Variants in GPR137C observed in about 807,000 individuals in gnomAD.
The protein encoded by GPR137C is integral membrane protein GPR137C.
GPR137C carries 27 observed loss-of-function variants against 43.4 expected under a neutral mutation model. The observed-to-expected ratio is 0.62, with a 90% CI of 0.46 to 0.86. GPR137C has a LOEUF of 0.86. Among genes scored for constraint, GPR137C ranks in the 40% least tolerant of loss-of-function variants. The pLI is 0.00. For missense variants in GPR137C, 522 were observed against 534.6 expected (o/e 0.98, Z 0.23); for synonymous variants, 285 against 226.9 (o/e 1.26, Z -2.30).
chr14:52,589,029 A>G (rs1048374739), intron 1 of GPR137C, among the ~76,000 whole-genome samples: 2 of 152,260 alleles, frequency 1.3e-5, no homozygotes, highest in Non-Finnish European at 2.9e-5. Context: ...TGGTACACAC[A>G]TGCAATGGAA....
intron 1 of GPR137C, among the ~76,000 whole-genome samples, chr14:52,584,985 T>C (rs1359825451): frequency 6.6e-6 from 1 of 152,224 alleles, no homozygotes; most frequent in Admixed American, 6.5e-5. Context: ...CAACTTTAAC[T>C]GGACCTTGCT....
At chr14:52,626,744 C>G (rs1419144791) in intron 3 of GPR137C, among the ~76,000 whole-genome samples, 1 of 151,976 alleles carries the variant, frequency 6.6e-6, no homozygotes, top group Non-Finnish European at 1.5e-5. Flanking sequence ...TACTAAACAA[C>G]TAGAATAAAT....
At chr14:52,580,455 GGGCCCA>G (rs2038626718) in intron 1 of GPR137C, among the ~76,000 whole-genome samples, 1 of 152,046 alleles carries the variant, frequency 6.6e-6, no homozygotes. Context: ...CTTCGCCTCT[GGGCCCA>G]AGCAGTTCTC....
At chr14:52,592,064 C>G (rs1434468354) in intron 1 of GPR137C, among the ~76,000 whole-genome samples, 1 of 152,172 alleles carries the variant, frequency 6.6e-6, no homozygotes, top group Non-Finnish European at 1.5e-5. Flanking sequence ...TTTCCCAGCA[C>G]CATTTATTAC....
chr14:52,628,620 A>C (rs1207276247), intron 3 of GPR137C, among the ~76,000 whole-genome samples: 3 of 152,036 alleles, frequency 2.0e-5, no homozygotes, highest in African/African-American at 7.2e-5. Flanking sequence ...ACATGGTAAA[A>C]CTCCGTCTCT....
rs1262826416 is a variant in GPR137C, at chr14:52,637,677, AAC to A, written c.*2565_*2566del. 1 of 152,156 alleles carries A rather than the reference AAC, an allele frequency of 6.6e-6. No individual in the cohort carries two copies. Among genetic ancestry groups the A allele is most frequent in the African/African-American group, 2.4e-5 (1 of 41,438 alleles). The allele number at this position is 152,156 out of a possible 1,614,324, so 9.4% of individuals were successfully genotyped here. On this transcript the variant is annotated 3_prime_UTR_variant, in exon 7 of 7. Transcript: ENST00000321662. ...TTGTTGTTTCACTAAATTGTAACAAAACACTACTATTAAAAATAAAAGTGTTT... is the reference window on the plus strand; with the variant it reads ...TTGTTGTTTCACTAAATTGTAACAAAACTACTATTAAAAATAAAAGTGTTT...
Position 52,600,094 on chromosome 14 carries a change from TA to T in GPR137C, c.489-18del, listed in dbSNP as rs1462712915. On this transcript the variant is annotated intron_variant, in intron 2 of 6. Transcript: ENST00000321662. Reference sequence around the variant, plus strand: ...TCTTATTAGTTATATAACCATCTAATATACTTTTTTTCTTTCAGAATTCTAC... The same window carrying T: ...TCTTATTAGTTATATAACCATCTAATTACTTTTTTTCTTTCAGAATTCTAC... 1.3e-6 allele frequency: 2 copies of T among 1,509,752 alleles called. No homozygotes were observed. Among genetic ancestry groups the T allele is most frequent in the African/African-American group, 2.7e-5 (2 of 72,836 alleles). The allele number at this position is 1,509,752 out of a possible 1,614,324, so 93.5% of individuals were successfully genotyped here.
intron 4 of GPR137C, 57 bp downstream of exon 4, chr14:52,632,366 C>G: frequency 8.0e-7 from 1 of 1,247,218 alleles, no homozygotes; most frequent in East Asian, 2.3e-5. Context: ...TTACCCTCAT[C>G]TAGAAGAACA....
rs998720770 is a variant in GPR137C, at chr14:52,637,073, T to A, written c.*1958T>A. 2.0e-5 allele frequency: 3 copies of A among 152,136 alleles called. No homozygotes were observed. Among genetic ancestry groups the A allele is most frequent in the Admixed American group, 6.6e-5 (1 of 15,260 alleles). The allele number at this position is 152,136 out of a possible 1,614,324, so 9.4% of individuals were successfully genotyped here. ...ACTAACAAAGATTACTTTTTAAAAA[T>A]TTTTCAGATAAAATAACTTGGTTCT... On this transcript the variant is annotated 3_prime_UTR_variant, in exon 7 of 7. Transcript: ENST00000321662.
chr14:52,580,241 T>A (rs933616358), intron 1 of GPR137C, among the ~76,000 whole-genome samples: 3 of 152,242 alleles, frequency 2.0e-5, no homozygotes, highest in Admixed American at 6.5e-5. Context: ...ATATGGATAT[T>A]CGATATTTAT....
Position 52,633,956 on chromosome 14 carries a change from AC to A in GPR137C, c.1112+11del. On this transcript the variant is annotated intron_variant, in intron 6 of 6. Transcript: ENST00000321662. ...GTTCAAGAGAAGGAAGGTAGATGTA[AC>A]AAAGCCACTTAGCCTGAATTACTAT... 8 of 1,447,644 alleles carry A rather than the reference AC, an allele frequency of 5.5e-6. No individual in the cohort carries two copies. The highest frequency in any genetic ancestry group is 7.8e-6 in the Non-Finnish European group (8 of 1,029,222). 89.7% of individuals were successfully genotyped at this position (1,447,644 alleles called of 1,614,324 possible). A position where few individuals can be genotyped will look rare whatever the true frequency, so the allele number is the denominator to read the frequency against.
chr14:52,601,160 AG>A (rs1371349986), intron 3 of GPR137C, among the ~76,000 whole-genome samples: 3 of 152,106 alleles, frequency 2.0e-5, no homozygotes, highest in Non-Finnish European at 4.4e-5. Context: ...ATTGGGTGTG[AG>A]GGGGTAGATA....
At chr14:52,568,841 G>A (rs1002759459) in intron 1 of GPR137C, among the ~76,000 whole-genome samples, 3 of 152,248 alleles carry the variant, frequency 2.0e-5, no homozygotes, top group East Asian at 3.8e-4. Flanking sequence ...CAGGGCACCT[G>A]GGGGAAGGGG....
At chr14:52,614,568 G>C (rs888671230) in intron 3 of GPR137C, among the ~76,000 whole-genome samples, 8 of 152,124 alleles carry the variant, frequency 5.3e-5, no homozygotes, top group African/African-American at 1.2e-4. Context: ...GCTCACTGCA[G>C]CCTCAACCTC....
rs1483930640 is a variant in GPR137C, at chr14:52,633,908, T to C, written c.1074T>C (p.Asp358=). The C allele has an allele frequency of 6.2e-7, 1 of 1,611,338 alleles. No homozygotes were observed. The highest frequency in any genetic ancestry group is 8.5e-7 in the Non-Finnish European group (1 of 1,177,656). The part of the protein sequence containing the change: ...FFDNPRRYDS[D]DDLPRLGSSR... ...ACAATCCAAGACGATATGATAGTGA[T>C]GATGACCTGCCAAGACTGGGAAGTT... Residue 358 remains aspartate, a synonymous_variant, in exon 6 of 7, where the codon GAT becomes GAC. Transcript: ENST00000321662.
intron 1 of GPR137C, among the ~76,000 whole-genome samples, chr14:52,569,919 C>T (rs1254331508): frequency 6.6e-6 from 1 of 151,944 alleles, no homozygotes; most frequent in African/African-American, 2.4e-5. Flanking sequence ...TGGGAAAACA[C>T]TCTTCAGGAT....
At chr14:52,577,516 G>GCGCA (rs369713179) in intron 1 of GPR137C, among the ~76,000 whole-genome samples, 72 of 145,504 alleles carry the variant, frequency 4.9e-4, no homozygotes, top group Middle Eastern at 3.5e-3. Context: ...GCGCGCGCGC[G>GCGCA]CACACACACA....
chr14:52,594,422 G>GGTGTTA (rs1342344102), intron 1 of GPR137C, among the ~76,000 whole-genome samples: 1 of 152,058 alleles, frequency 6.6e-6, no homozygotes, highest in East Asian at 1.9e-4. Context: ...TTGACAGTGG[G>GGTGTTA]GTGTTAAAGT....
intron 3 of GPR137C, among the ~76,000 whole-genome samples, chr14:52,606,092 T>C (rs1490825594): frequency 2.0e-5 from 3 of 152,216 alleles, no homozygotes; most frequent in African/African-American, 7.2e-5. Context: ...GCTCCTTCAA[T>C]TTTTTGAAAT....
Sources: allele counts gnomAD v4.1 joint callset (sites outside exome capture counted in the v4.1 genomes callset), GRCh38; gene constraint gnomAD v4.1.1; transcripts MANE v1.5; gene names NCBI Gene and HGNC (gene_info 2026-07-23, HGNC 2026-07-21).